Variants in ZNF428 observed in about 807,000 individuals in gnomAD.
The protein encoded by ZNF428 is zinc finger protein 428.
Under a neutral mutation model 15.6 loss-of-function variants are expected in ZNF428, and 5 were observed. The observed-to-expected ratio is 0.32, with a 90% CI of 0.17 to 0.67. The LOEUF is 0.67. ZNF428 is among the 30% of genes least tolerant of loss of function. The pLI is 0.73. For missense variants in ZNF428, 237 were observed against 256.0 expected (o/e 0.93, Z 0.51); for synonymous variants, 97 against 102.2 (o/e 0.95, Z 0.31).
chr19:43,615,472 G>C (rs982935283), intron 1 of ZNF428, among the ~76,000 whole-genome samples: 3 of 151,854 alleles, frequency 2.0e-5, no homozygotes, highest in African/African-American at 7.3e-5. Context: ...GGCCGAGGTG[G>C]GCAGATCACC....
In ZNF428 at chr19:43,607,772, G is replaced by T. The variant is rs1418274362; in HGVS notation, c.412C>A (p.Pro138Thr). ...GGTCGGCCCTCCCCAGCCCGAGGTG[G>T]TTCCTCCTCTTCCTCCCCGAGGGCC... ...GRALGEEEEEPPRAGEGRPAG... is the reference protein window; with the variant it reads ...GRALGEEEEETPRAGEGRPAG... The change falls in exon 3 of 3, where the codon CCA (proline) becomes ACA (threonine). Residue 138 changes from proline (P) to threonine (T), a missense_variant. Coordinates refer to ENST00000300811, the MANE Select transcript of ZNF428 (RefSeq NM_182498.4). This position sits in a 1 kb window ranked among gnomAD's most constrained non-coding sequence, Gnocchi z 5.1. 1 of 1,604,114 alleles carries T rather than the reference G, an allele frequency of 6.2e-7. No individual in the cohort carries two copies. Among genetic ancestry groups the T allele is most frequent in the Admixed American group, 1.7e-5 (1 of 58,202 alleles).
intron 2 of ZNF428, among the ~76,000 whole-genome samples, chr19:43,611,263 G>A (rs1359919665): frequency 6.6e-6 from 1 of 151,928 alleles, no homozygotes; most frequent in African/African-American, 2.4e-5. Context: ...GTGGCCCCAA[G>A]ACCCTGATCT....
chr19:43,610,634 G>T (rs1011340441), intron 2 of ZNF428, among the ~76,000 whole-genome samples: 1 of 152,102 alleles, frequency 6.6e-6, no homozygotes, highest in Admixed American at 6.5e-5. Flanking sequence ...TTTGTGCAAA[G>T]AAAGTACTTA....
intron 1 of ZNF428, among the ~76,000 whole-genome samples, chr19:43,618,496 G>A (rs1973396253): frequency 2.0e-5 from 3 of 150,166 alleles, no homozygotes; most frequent in Non-Finnish European, 4.4e-5. Flanking sequence ...TGTGCTCAAG[G>A]TACCCTACTA....
At chr19:43,615,046 A>G (rs1178953335) in intron 1 of ZNF428, among the ~76,000 whole-genome samples, 1 of 152,090 alleles carries the variant, frequency 6.6e-6, no homozygotes, top group Non-Finnish European at 1.5e-5. Context: ...CGGGACGGAT[A>G]CCAGGCCTTA....
At position 43,612,623 on chromosome 19, in the gene ZNF428, A is replaced by T; in HGVS notation, c.76+1606T>A. On this transcript the variant is annotated intron_variant, in intron 2 of 2. Coordinates refer to ENST00000300811, the MANE Select transcript of ZNF428 (RefSeq NM_182498.4). The surrounding 1 kb of genome is among the most constrained non-coding windows in gnomAD (Gnocchi z 4.2). ...AACTCCCACTTCACAGCAAAAAGGG[A>T]GCCGGGGAAAGAGTTACGGCCGGCC... 1 of 1,551,528 alleles carries T rather than the reference A, an allele frequency of 6.4e-7. No individual in the cohort carries two copies. The highest frequency in any genetic ancestry group is 1.4e-5 in the African/African-American group (1 of 73,142).
At chr19:43,618,130 G>C (rs1021321213) in intron 1 of ZNF428, among the ~76,000 whole-genome samples, 5 of 146,840 alleles carry the variant, frequency 3.4e-5, no homozygotes, top group Non-Finnish European at 7.4e-5. Context: ...CGCCTCCTGG[G>C]TTCACGCCAT....
intron 1 of ZNF428, among the ~76,000 whole-genome samples, chr19:43,614,748 G>A (rs1009208247): frequency 4.6e-5 from 7 of 152,142 alleles, no homozygotes; most frequent in African/African-American, 1.4e-4. Flanking sequence ...ACAAGTGTGC[G>A]TCCTCACGCC....
chr19:43,611,949 C>T (rs1400686085), intron 2 of ZNF428: 6 of 621,392 alleles, frequency 9.7e-6, no homozygotes, highest in African/African-American at 9.2e-5. Flanking sequence ...GCTGGGACCC[C>T]TCCCCTCTCT....
At chr19:43,616,318 G>A (rs1973371201) in intron 1 of ZNF428, among the ~76,000 whole-genome samples, 1 of 152,152 alleles carries the variant, frequency 6.6e-6, no homozygotes, top group African/African-American at 2.4e-5. Context: ...ATCAGCCTTA[G>A]TTCTGTATCA....
chr19:43,618,567 T>C lies in ZNF428; in HGVS notation c.-131+991A>G, dbSNP rs1415433144. On this transcript the variant is annotated intron_variant, in intron 1 of 2. Transcript: ENST00000300811. ...CCACCATGCCAGGCTTAATTTTTAC[T>C]TTTTTTTTTTTTTTTTTTTTTTGTA... 2.0e-3 allele frequency among the ~76,000 whole-genome samples: 102 copies of C among 50,698 alleles called. 2 individuals carry two copies. In the East Asian group the frequency reaches 0.035, roughly 18 times the overall value. 33.3% of individuals were successfully genotyped at this position (50,698 alleles called of 152,430 possible).
chr19:43,612,529 C>T lies in ZNF428; in HGVS notation c.76+1700G>A. On this transcript the variant is annotated intron_variant, in intron 2 of 2. Transcript: ENST00000300811. The surrounding 1 kb of genome is among the most constrained non-coding windows in gnomAD (Gnocchi z 4.2). The stretch of plus-strand genomic sequence containing the variant: ...GAAGCCGCAGCTCCAAGAGGTCACC[C>T]AGCAGGGCCAGCACTCCTGGCAGGA... 6.4e-7 allele frequency: 1 copy of T among 1,551,404 alleles called. No homozygotes were observed. The highest frequency in any genetic ancestry group is 8.7e-7 in the Non-Finnish European group (1 of 1,146,956).
intron 2 of ZNF428, 43 bp from the exon 3 acceptor site, chr19:43,608,150 AGAGGGCTAG>A: frequency 6.3e-7 from 1 of 1,576,558 alleles, no homozygotes; most frequent in Non-Finnish European, 8.6e-7. Context: ...ATCAGAGGAA[AGAGGGCTAG>A]GCCAAGCTGT....
At position 43,607,574 on chromosome 19, in the gene ZNF428, C is replaced by T; in HGVS notation, c.*43G>A. ...CCCCAATTTCCTCAGCCCCCTCCTCCCACCCCACCCCTTCTGCCAAGCTCC... is the reference window on the plus strand; with the variant it reads ...CCCCAATTTCCTCAGCCCCCTCCTCTCACCCCACCCCTTCTGCCAAGCTCC... On this transcript the variant is annotated 3_prime_UTR_variant, in exon 3 of 3. Coordinates refer to ENST00000300811, the MANE Select transcript of ZNF428 (RefSeq NM_182498.4). The surrounding 1 kb of genome is among the most constrained non-coding windows in gnomAD (Gnocchi z 5.1). 1 of 1,533,528 alleles carries T rather than the reference C, an allele frequency of 6.5e-7. No homozygotes were observed. 95.0% of individuals were successfully genotyped at this position (1,533,528 alleles called of 1,614,324 possible). A position where few individuals can be genotyped will look rare whatever the true frequency, so the allele number is the denominator to read the frequency against.
chr19:43,607,428 C>A lies in ZNF428; in HGVS notation c.*189G>T, dbSNP rs866707300. ...ACACGGGCGGGAATACACACACACA[C>A]ACACACACTCTGAACCAACACACAC... On this transcript the variant is annotated 3_prime_UTR_variant, in exon 3 of 3. Coordinates refer to ENST00000300811, the MANE Select transcript of ZNF428 (RefSeq NM_182498.4). The surrounding 1 kb of genome is among the most constrained non-coding windows in gnomAD (Gnocchi z 5.1). 3 of 683,386 alleles carry A rather than the reference C, an allele frequency of 4.4e-6. No individual in the cohort carries two copies. In the African/African-American group the frequency reaches 5.5e-5, roughly 12 times the overall value. The allele number at this position is 683,386 out of a possible 1,614,324, so 42.3% of individuals were successfully genotyped here. A position where few individuals can be genotyped will look rare whatever the true frequency, so the allele number is the denominator to read the frequency against.
chr19:43,613,786 A>G, intron 2 of ZNF428: 1 of 1,549,922 alleles, frequency 6.5e-7, no homozygotes, highest in Non-Finnish European at 8.7e-7. Context: ...GCGAGGAGAG[A>G]GAGCACAGAC....
intron 2 of ZNF428, chr19:43,613,526 A>G (rs1275099429): frequency 2.6e-6 from 4 of 1,551,504 alleles, no homozygotes; most frequent in Non-Finnish European, 3.5e-6. Context: ...AAGTCCCAAC[A>G]AGGCGAGAGA....
At position 43,612,060 on chromosome 19, in the gene ZNF428, C is replaced by G; in HGVS notation, c.76+2169G>C. On this transcript the variant is annotated intron_variant, in intron 2 of 2. Transcript: ENST00000300811. This position sits in a 1 kb window ranked among gnomAD's most constrained non-coding sequence, Gnocchi z 4.2. Reference sequence around the variant, plus strand: ...TGACAGGCAATCAGGTCATCGTCCACGGCTACCAGGTGTTTCATGTCTACT... The same window carrying G: ...TGACAGGCAATCAGGTCATCGTCCAGGGCTACCAGGTGTTTCATGTCTACT... The G allele has an allele frequency of 3.1e-6, 4 of 1,280,934 alleles. 1 individual carries two copies. In the South Asian group the frequency reaches 4.0e-5, roughly 13 times the overall value. 79.3% of individuals were successfully genotyped at this position (1,280,934 alleles called of 1,614,324 possible).
intron 2 of ZNF428, among the ~76,000 whole-genome samples, chr19:43,611,730 G>T (rs561658767): frequency 1.7e-4 from 26 of 152,142 alleles, no homozygotes; most frequent in Admixed American, 1.3e-3. Flanking sequence ...TGTCTCTCTC[G>T]TATGGGCTCC....
Sources: gnomAD v4.1 joint callset for allele counts (sites outside exome capture counted in the v4.1 genomes callset) on GRCh38, gnomAD v4.1.1 for gene constraint, Gnocchi (gnomAD v3.1) non-coding constraint, MANE v1.5 for transcripts, NCBI Gene and HGNC (gene_info 2026-07-23, HGNC 2026-07-21) for gene names.